The following OR2L13 variants were observed in gnomAD, a reference collection of about 807,000 sequenced individuals.
OR2L13 encodes the protein olfactory receptor family 2 subfamily L member 13, also known as olfactory receptor 2L13.
OR2L13 carries 14 observed loss-of-function variants against 15.3 expected under a neutral mutation model. The observed-to-expected ratio is 0.91, with a 90% CI of 0.60 to 1.43. OR2L13 has a LOEUF of 1.43. OR2L13 is among the 40% of genes most tolerant of loss of function. The pLI, the probability that OR2L13 is intolerant of heterozygous loss-of-function variation, is 0.00. For missense variants in OR2L13, 367 were observed against 387.9 expected (o/e 0.95, Z 0.45); for synonymous variants, 152 against 142.9 (o/e 1.06, Z -0.45).
At chr1:248,035,381 G>A in the OR2L13 span, among the ~76,000 whole-genome samples, 3 of 151,962 alleles carry the variant, frequency 2.0e-5, no homozygotes, top group Non-Finnish European at 2.9e-5. Context: ...CCTGGGAGGC[G>A]GAGCTTGCAG....
chr1:248,021,824 A>G, the OR2L13 span: 2 of 673,858 alleles, frequency 3.0e-6, no homozygotes, highest in African/African-American at 1.8e-5. Flanking sequence ...TATAGGGTTC[A>G]GTGTCAACTG....
At chr1:248,061,658 C>CTGCTGGATGGATGTGT in the OR2L13 span, 1 of 1,542,462 alleles carries the variant, frequency 6.5e-7, no homozygotes, top group Non-Finnish European at 8.9e-7. Flanking sequence ...CTCAGATACA[C>CTGCTGGATGGATGTGT]ATCCATCCAG....
At chr1:247,995,883 C>T in the OR2L13 span, among the ~76,000 whole-genome samples, 10 of 152,250 alleles carry the variant, frequency 6.6e-5, no homozygotes, top group African/African-American at 2.4e-4. Context: ...TCCCGAATTA[C>T]AATGGGTCCA....
At chr1:247,970,310 C>CACAT in the OR2L13 span, among the ~76,000 whole-genome samples, 1 of 151,966 alleles carries the variant, frequency 6.6e-6, no homozygotes, top group South Asian at 2.1e-4. Context: ...GTACATTGTG[C>CACAT]ACATGTACCC....
Position 248,100,293 on chromosome 1 carries a change from A to T in OR2L13, c.918A>T (p.Ile306=), listed in dbSNP as rs372208246. Residue 306 remains isoleucine, a synonymous_variant, in exon 3 of 3, where the codon ATA becomes ATT. Coordinates refer to ENST00000641714, the Ensembl canonical transcript of OR2L13. ...GGGCTATGAGGAGAGTGTTTGGGAT[A>T]TTCTCTTTCCTGAAAGAATAATCAT... The T allele has an allele frequency of 3.5e-5, 56 of 1,603,386 alleles. No homozygotes were observed. In the Middle Eastern group the frequency reaches 1.2e-3, roughly 33 times the overall value.
At chr1:247,962,555 A>G in the OR2L13 span, among the ~76,000 whole-genome samples, 4 of 152,226 alleles carry the variant, frequency 2.6e-5, no homozygotes, top group African/African-American at 9.6e-5. Context: ...TATTTGCCCT[A>G]TAAATTTCAC....
chr1:248,022,418 T>C, the OR2L13 span: 1 of 1,614,222 alleles, frequency 6.2e-7, no homozygotes, highest in Non-Finnish European at 8.5e-7. Flanking sequence ...ACTCTTGTGC[T>C]CACACAGTAT....
chr1:247,939,666 A>C, the OR2L13 span: 6 of 152,202 alleles, frequency 3.9e-5, no homozygotes, highest in African/African-American at 1.2e-4. Flanking sequence ...TTCCACATTC[A>C]ATGTCTATAG....
At chr1:247,971,686 C>T in the OR2L13 span, among the ~76,000 whole-genome samples, 1 of 152,066 alleles carries the variant, frequency 6.6e-6, no homozygotes, top group East Asian at 1.9e-4. Context: ...TTTAACACCC[C>T]ACTGTCAATA....
At chr1:247,974,978 A>C in the OR2L13 span, 1 of 308,010 alleles carries the variant, frequency 3.2e-6, no homozygotes, top group Non-Finnish European at 6.7e-6. Context: ...TTGTCCCCAG[A>C]TGTTTTCTGA....
the OR2L13 span, chr1:248,061,084 A>T: frequency 6.2e-7 from 1 of 1,614,008 alleles, no homozygotes; most frequent in South Asian, 1.1e-5. Flanking sequence ...TCCCATCCGC[A>T]TGAGCAAAAG....
the OR2L13 span, chr1:248,041,030 T>C: frequency 6.6e-6 from 1 of 152,194 alleles, no homozygotes; most frequent in Admixed American, 6.5e-5. Flanking sequence ...TTAAGTAGAA[T>C]TTTCTCATCA....
At chr1:248,035,217 G>A in the OR2L13 span, among the ~76,000 whole-genome samples, 3 of 151,996 alleles carry the variant, frequency 2.0e-5, no homozygotes, top group African/African-American at 4.8e-5. Context: ...TTGGGAGGCC[G>A]AGATGGGCGG....
the OR2L13 span, chr1:248,003,812 A>G: frequency 6.2e-7 from 1 of 1,613,624 alleles, no homozygotes; most frequent in South Asian, 1.1e-5. Flanking sequence ...CTACCACATG[A>G]AATCTGCAGA....
chr1:248,052,284 T>C, the OR2L13 span, among the ~76,000 whole-genome samples: 6 of 152,320 alleles, frequency 3.9e-5, no homozygotes, highest in African/African-American at 1.4e-4. Context: ...GATTGTTCCA[T>C]CTCCACTGAG....
At chr1:247,999,171 A>G in the OR2L13 span, among the ~76,000 whole-genome samples, 1 of 152,154 alleles carries the variant, frequency 6.6e-6, no homozygotes, top group East Asian at 1.9e-4. Flanking sequence ...TTCATCAACA[A>G]AAGCTTACAT....
chr1:248,011,042 A>G, the OR2L13 span, among the ~76,000 whole-genome samples: 4 of 152,028 alleles, frequency 2.6e-5, no homozygotes, highest in African/African-American at 4.8e-5. Context: ...GTTTCTTCAT[A>G]GTGTCGATGG....
At chr1:247,964,647 A>C in the OR2L13 span, among the ~76,000 whole-genome samples, 1 of 151,928 alleles carries the variant, frequency 6.6e-6, no homozygotes, top group African/African-American at 2.4e-5. Context: ...AGCATAGTTC[A>C]TTAATTCATT....
chr1:248,093,714 T>C (rs1289260304), upstream of OR2L13, among the ~76,000 whole-genome samples: 1 of 152,160 alleles, frequency 6.6e-6, no homozygotes, highest in South Asian at 2.1e-4. Context: ...TCCATCCATG[T>C]TGTTGCAAAT....
Sources: allele counts gnomAD v4.1 joint callset (sites outside exome capture counted in the v4.1 genomes callset), GRCh38; gene constraint gnomAD v4.1.1; transcripts MANE v1.5; gene names NCBI Gene and HGNC (gene_info 2026-07-23, HGNC 2026-07-21).